The following NRG1 variants were observed in gnomAD, a reference collection of about 807,000 sequenced individuals.
The protein encoded by NRG1 is neuregulin 1, also known as pro-neuregulin-1, membrane-bound isoform.
Under a neutral mutation model 63.8 loss-of-function variants are expected in NRG1, and 18 were observed. The observed-to-expected ratio is 0.28, with a 90% CI of 0.19 to 0.42. The LOEUF (loss-of-function observed/expected upper bound fraction) is 0.42, where lower values mean the gene tolerates loss of function less well. NRG1 is among the 10% of genes least tolerant of loss of function. NRG1 has a pLI of 1.00. For synonymous variants in NRG1, 302 were observed against 301.3 expected, an observed-to-expected ratio of 1.00 and a Z score of -0.02; for missense variants, 762 against 814.7, an observed-to-expected ratio of 0.94 and a Z score of 0.79.
chr8:32,647,565 C>A, intron 5 of NRG1: 1 of 985,370 alleles, frequency 1.0e-6, no homozygotes, highest in Non-Finnish European at 1.2e-6. Flanking sequence ...TCCCCCCTTG[C>A]ATCTTTCTGA....
intron 1 of NRG1, among the ~76,000 whole-genome samples, chr8:31,776,610 A>C (rs986687043): frequency 1.3e-5 from 2 of 152,008 alleles, no homozygotes; most frequent in Middle Eastern, 3.2e-3. Context: ...ACATATGTAT[A>C]CATGTGCCAT....
chr8:32,545,939 C>T (rs1292883549), upstream of NRG1, among the ~76,000 whole-genome samples: 1 of 152,084 alleles, frequency 6.6e-6, no homozygotes, highest in South Asian at 2.1e-4. Flanking sequence ...GTCTTTTCCC[C>T]TCCATCACAT....
intron 1 of NRG1, among the ~76,000 whole-genome samples, chr8:32,111,412 C>T (rs769946808): frequency 5.9e-5 from 9 of 152,204 alleles, no homozygotes; most frequent in South Asian, 4.1e-4. Flanking sequence ...CCACTGCTCC[C>T]GGACTTGCTG....
At chr8:32,271,675 T>C (rs1015135355) in intron 1 of NRG1, among the ~76,000 whole-genome samples, 2 of 152,136 alleles carry the variant, frequency 1.3e-5, no homozygotes, top group Non-Finnish European at 2.9e-5. Flanking sequence ...AGGCTGATCT[T>C]CTACAGTACG....
At chr8:32,762,038 CAAAAAA>C (rs11407724) in intron 11 of NRG1, among the ~76,000 whole-genome samples, 1 of 81,478 alleles carries the variant, frequency 1.2e-5, no homozygotes, top group Admixed American at 1.7e-4. Flanking sequence ...GACTCCGCCT[CAAAAAA>C]AAAAAAAAAA....
At chr8:32,716,767 TAAC>T (rs1819322903) in intron 5 of NRG1, among the ~76,000 whole-genome samples, 1 of 151,908 alleles carries the variant, frequency 6.6e-6, no homozygotes, top group African/African-American at 2.4e-5. Flanking sequence ...TAGATTTTTC[TAAC>T]AACTGCATGA....
intron 1 of NRG1, among the ~76,000 whole-genome samples, chr8:31,725,384 C>T (rs765543379): frequency 2.0e-5 from 3 of 152,134 alleles, no homozygotes; most frequent in African/African-American, 4.8e-5. Flanking sequence ...TTGTTTGTTG[C>T]TGGGAGTTGG....
At chr8:32,308,001 T>G (rs1266825986) in intron 1 of NRG1, among the ~76,000 whole-genome samples, 1 of 152,212 alleles carries the variant, frequency 6.6e-6, no homozygotes, top group Non-Finnish European at 1.5e-5. Context: ...CCGACCACGC[T>G]GGGTGAGGCT....
At chr8:32,314,725 G>A (rs904048228) in intron 1 of NRG1, among the ~76,000 whole-genome samples, 21 of 152,300 alleles carry the variant, frequency 1.4e-4, no homozygotes, top group African/African-American at 5.1e-4. Flanking sequence ...CTGAGGAATG[G>A]CTGTATCTCT....
chr8:31,658,497 C>G (rs1174448893), intron 1 of NRG1, among the ~76,000 whole-genome samples: 12 of 152,158 alleles, frequency 7.9e-5, no homozygotes. Flanking sequence ...GAGTCTTGCT[C>G]TGTTGCCCAG....
intron 1 of NRG1, among the ~76,000 whole-genome samples, chr8:32,186,046 T>C (rs1286261652): frequency 1.3e-5 from 2 of 152,218 alleles, no homozygotes; most frequent in East Asian, 1.9e-4. Flanking sequence ...CCTCAAAGTA[T>C]AGTGGCTAAT....
intron 1 of NRG1, among the ~76,000 whole-genome samples, chr8:31,960,963 G>A (rs1805352194): frequency 2.6e-5 from 4 of 152,134 alleles, no homozygotes; most frequent in African/African-American, 9.7e-5. Context: ...CAATTTAGTA[G>A]GTGTCTAATG....
chr8:32,056,530 C>G (rs939695439), intron 1 of NRG1, among the ~76,000 whole-genome samples: 7 of 152,110 alleles, frequency 4.6e-5, no homozygotes, highest in African/African-American at 1.7e-4. Context: ...AGCCTTCCAG[C>G]CCTAGAATTA....
intron 1 of NRG1, among the ~76,000 whole-genome samples, chr8:31,896,241 C>T (rs1310812318): frequency 6.6e-6 from 1 of 152,112 alleles, no homozygotes; most frequent in Non-Finnish European, 1.5e-5. Context: ...TCTTTAGTAG[C>T]ACCTTTTCAT....
At chr8:32,328,106 C>T (rs1236351401) in intron 1 of NRG1, among the ~76,000 whole-genome samples, 2 of 152,178 alleles carry the variant, frequency 1.3e-5, no homozygotes, top group African/African-American at 2.4e-5. Flanking sequence ...CAAATTGAGA[C>T]AGCATCTTTT....
intron 1 of NRG1, among the ~76,000 whole-genome samples, chr8:32,148,419 G>A (rs1394483596): frequency 5.9e-5 from 9 of 152,128 alleles, no homozygotes; most frequent in Non-Finnish European, 7.3e-5. Context: ...TCTTTTTTGA[G>A]ACGGAGTCTA....
In NRG1 at chr8:31,778,905, G is replaced by A. The variant is rs1819415034; in HGVS notation, c.37+139474G>A. ...GAAATGTAGAATTGCAGATTTATGG[G>A]TTGGAAGTTGATTTAGAAGACACAT... On this transcript the variant is annotated intron_variant, in intron 1 of 10. Coordinates refer to the NRG1 transcript ENST00000519301. 2.0e-5 allele frequency among the ~76,000 whole-genome samples: 3 copies of A among 152,212 alleles called. No individual in the cohort carries two copies. The South Asian group carries it at 6.2e-4, about 32-fold the overall frequency.
chr8:32,172,254 A>G (rs1840152274), intron 1 of NRG1, among the ~76,000 whole-genome samples: 1 of 152,244 alleles, frequency 6.6e-6, no homozygotes, highest in African/African-American at 2.4e-5. Context: ...GTGAACCTCC[A>G]GCAAACTCCA....
chr8:32,578,700 C>T (rs1840105395), intron 1 of NRG1, among the ~76,000 whole-genome samples: 1 of 152,052 alleles, frequency 6.6e-6, no homozygotes, highest in African/African-American at 2.4e-5. Flanking sequence ...AGGATGATTT[C>T]CCCCATTGCA....
Sources: allele counts gnomAD v4.1 joint callset (sites outside exome capture counted in the v4.1 genomes callset), GRCh38; gene constraint gnomAD v4.1.1; transcripts MANE v1.5; gene names NCBI Gene and HGNC (gene_info 2026-07-23, HGNC 2026-07-21).